Variants in ARL8B observed in about 807,000 individuals in gnomAD.
ARL8B encodes the protein ADP-ribosylation factor-like protein 8B.
Under a neutral mutation model 30.6 loss-of-function variants are expected in ARL8B, and 9 were observed. The observed-to-expected ratio is 0.29, with a 90% CI of 0.18 to 0.51. The LOEUF (loss-of-function observed/expected upper bound fraction) is 0.51, where lower values mean the gene tolerates loss of function less well. Among genes scored for constraint, ARL8B ranks in the 20% least tolerant of loss-of-function variants. The pLI is 0.97. For missense variants in ARL8B, 130 were observed against 227.2 expected, an observed-to-expected ratio of 0.57 and a Z score of 2.75; for synonymous variants, 74 against 76.0, an observed-to-expected ratio of 0.97 and a Z score of 0.14.
chr3:5,122,997 C>G (rs1190048500), intron 1 of ARL8B, among the ~76,000 whole-genome samples: 3 of 152,156 alleles, frequency 2.0e-5, no homozygotes, highest in Admixed American at 2.0e-4. Context: ...ATCCGTCAGC[C>G]GTACGAGAAA....
intron 1 of ARL8B, among the ~76,000 whole-genome samples, chr3:5,126,120 T>G (rs2054228139): frequency 6.7e-6 from 1 of 149,182 alleles, no homozygotes; most frequent in African/African-American, 2.5e-5. Context: ...TTTCATACTT[T>G]TTTTTTTTTT....
chr3:5,134,168 A>G (rs1243204583), intron 1 of ARL8B, among the ~76,000 whole-genome samples: 1 of 152,196 alleles, frequency 6.6e-6, no homozygotes, highest in African/African-American at 2.4e-5. Flanking sequence ...AGTGGGTTGT[A>G]GGATCTTTTA....
intron 1 of ARL8B, among the ~76,000 whole-genome samples, chr3:5,131,689 C>G (rs1210016693): frequency 6.6e-6 from 1 of 152,164 alleles, no homozygotes; most frequent in African/African-American, 2.4e-5. Flanking sequence ...CTGCACCCAG[C>G]CTACCCGTTT....
intron 1 of ARL8B, among the ~76,000 whole-genome samples, chr3:5,165,729 T>A (rs1426277720): frequency 6.6e-6 from 1 of 152,184 alleles, no homozygotes; most frequent in East Asian, 1.9e-4. Context: ...TCAAGTTTAT[T>A]GTATTGTATT....
intron 1 of ARL8B, among the ~76,000 whole-genome samples, chr3:5,126,354 G>T (rs554211586): frequency 6.6e-6 from 1 of 152,270 alleles, no homozygotes; most frequent in Admixed American, 6.5e-5. Flanking sequence ...TGAGTACTAT[G>T]TGTCACTCTA....
chr3:5,172,087 C>T, intron 2 of ARL8B, 63 bp from the exon 3 acceptor site: 8 of 1,433,160 alleles, frequency 5.6e-6, no homozygotes, highest in Admixed American at 3.6e-5. Context: ...TTTTCTGTTA[C>T]TTCCTCTTGC....
rs535475138 is a variant in ARL8B, at chr3:5,179,772, C to T, written c.*1059C>T. On this transcript the variant is annotated 3_prime_UTR_variant, in exon 7 of 7. Transcript: ENST00000256496. ...GCTTTGGCACTCTTTTGACTGGTGC[C>T]ATTAGACATCTTGATTATTGTGACA... The T allele has an allele frequency of 1.3e-5, 2 of 152,578 alleles. No individual in the cohort carries two copies. Among genetic ancestry groups the T allele is most frequent in the East Asian group, 3.9e-4 (2 of 5,190 alleles). 9.5% of individuals were successfully genotyped at this position (152,578 alleles called of 1,614,324 possible).
intron 1 of ARL8B, among the ~76,000 whole-genome samples, chr3:5,129,698 C>T (rs925100433): frequency 4.6e-5 from 7 of 152,024 alleles, no homozygotes; most frequent in Non-Finnish European, 8.8e-5. Context: ...AGGCGTATGT[C>T]ACTACGCCTG....
chr3:5,125,288 G>A (rs992559210), intron 1 of ARL8B, among the ~76,000 whole-genome samples: 16 of 152,082 alleles, frequency 1.1e-4, no homozygotes, highest in Middle Eastern at 3.2e-3. Flanking sequence ...GTAATTGGGC[G>A]TACCTGTTTA....
At chr3:5,122,823 C>T (rs972244920) in intron 1 of ARL8B, among the ~76,000 whole-genome samples, 3 of 152,192 alleles carry the variant, frequency 2.0e-5, no homozygotes, top group Non-Finnish European at 4.4e-5. Context: ...AGACATTTTC[C>T]AAGGGCTGTG....
At chr3:5,177,454 A>T (rs1190488349) in intron 6 of ARL8B, among the ~76,000 whole-genome samples, 2 of 151,310 alleles carry the variant, frequency 1.3e-5, no homozygotes. Flanking sequence ...TTTTTTAGTG[A>T]ATTTCTTTTT....
At chr3:5,153,568 GACTA>G (rs891445701) in intron 1 of ARL8B, among the ~76,000 whole-genome samples, 9 of 152,152 alleles carry the variant, frequency 5.9e-5, no homozygotes, top group South Asian at 4.2e-4. Flanking sequence ...CGTGAAAATG[GACTA>G]ATACGTACAC....
At chr3:5,130,990 G>C (rs1018427691) in intron 1 of ARL8B, among the ~76,000 whole-genome samples, 12 of 150,700 alleles carry the variant, frequency 8.0e-5, no homozygotes, top group Admixed American at 6.6e-5. Context: ...TCCATGCTGG[G>C]AGTGCAGTGG....
At chr3:5,176,542 T>C (rs2054731620) in intron 6 of ARL8B, among the ~76,000 whole-genome samples, 1 of 152,186 alleles carries the variant, frequency 6.6e-6, no homozygotes, top group African/African-American at 2.4e-5. Flanking sequence ...ACAAATATGC[T>C]TTATTCAGTT....
chr3:5,169,851 C>G (rs2054656122), intron 1 of ARL8B, among the ~76,000 whole-genome samples: 1 of 152,170 alleles, frequency 6.6e-6, no homozygotes, highest in South Asian at 2.1e-4. Flanking sequence ...TAAAACTCCA[C>G]TGAACAGTTA....
At chr3:5,125,465 A>G (rs1335300970) in intron 1 of ARL8B, among the ~76,000 whole-genome samples, 1 of 146,848 alleles carries the variant, frequency 6.8e-6, no homozygotes, top group Non-Finnish European at 1.5e-5. Flanking sequence ...CCATTAGATT[A>G]TTATATTTAA....
intron 1 of ARL8B, among the ~76,000 whole-genome samples, chr3:5,124,556 C>T (rs561948791): frequency 9.2e-5 from 14 of 152,218 alleles, no homozygotes; most frequent in East Asian, 1.9e-4. Flanking sequence ...GCCTCCAACT[C>T]CTGGGCTTAT....
At chr3:5,171,930 A>G (rs1003786942) in intron 2 of ARL8B, among the ~76,000 whole-genome samples, 1 of 152,234 alleles carries the variant, frequency 6.6e-6, no homozygotes, top group Admixed American at 6.5e-5. Context: ...AAAATTTTAG[A>G]TGTATTGTAA....
At chr3:5,155,721 G>T (rs55689039) in intron 1 of ARL8B, among the ~76,000 whole-genome samples, 43,285 of 134,590 alleles carry the variant, frequency 0.32, 7,316 homozygotes, top group African/African-American at 0.51. Context: ...AGTAAATTTT[G>T]CATTTGCTTT....
Sources: allele counts gnomAD v4.1 joint callset (sites outside exome capture counted in the v4.1 genomes callset), GRCh38; gene constraint gnomAD v4.1.1; transcripts MANE v1.5; gene names NCBI Gene and HGNC (gene_info 2026-07-23, HGNC 2026-07-21).